Variants in TAB3 observed in about 807,000 individuals in gnomAD.
TAB3 encodes TGF-beta-activated kinase 1 and MAP3K7-binding protein 3.
In TAB3, 18 loss-of-function variants were observed where a neutral mutation model predicts 48.1. The ratio of observed to expected loss-of-function variants is 0.37; its 90% CI spans 0.26 to 0.55. TAB3 has a LOEUF of 0.55. Among genes scored for constraint, TAB3 ranks in the 20% least tolerant of loss-of-function variants. The probability of loss-of-function intolerance (pLI) is 0.78; values close to 1 mark genes in which losing one functional copy is unlikely to be tolerated. For missense variants in TAB3, 414 were observed against 549.8 expected, an observed-to-expected ratio of 0.75 and a Z score of 2.47; for synonymous variants, 185 against 190.2, an observed-to-expected ratio of 0.97 and a Z score of 0.22.
chrX:30,870,449 T>C (rs112861312), intron 2 of TAB3, among the ~76,000 whole-genome samples: 9 of 111,743 alleles, frequency 8.1e-5, no homozygotes, highest in African/African-American at 2.6e-4. Flanking sequence ...AGAAGACCCA[T>C]GTCCTCGTAG....
intron 1 of TAB3, among the ~76,000 whole-genome samples, 172 bp downstream of exon 1, chrX:30,888,942 G>C (rs893725136): frequency 6.2e-5 from 7 of 113,187 alleles, no homozygotes; most frequent in Non-Finnish European, 1.3e-4. Context: ...GCAAACCTCC[G>C]GCAGCCCCGC....
At chrX:30,846,457 G>C (rs1350978340) in intron 8 of TAB3, 94 bp downstream of exon 8, 4 of 584,449 alleles carry the variant, frequency 6.8e-6, no homozygotes, top group Non-Finnish European at 1.1e-5. Context: ...GATAAAAACT[G>C]TCTCTTAAAT....
At chrX:30,875,016 G>C (rs989065052) in intron 1 of TAB3, among the ~76,000 whole-genome samples, 6 of 112,062 alleles carry the variant, frequency 5.4e-5, no homozygotes, top group African/African-American at 1.9e-4. Flanking sequence ...CAGAGCTGGT[G>C]GTACCATGTT....
intron 8 of TAB3, chrX:30,846,107 T>A: frequency 1.1e-6 from 1 of 907,101 alleles, no homozygotes. Flanking sequence ...ACTATGATTA[T>A]AGTTGAATGT....
intron 10 of TAB3, among the ~76,000 whole-genome samples, chrX:30,831,799 G>A (rs1270579053): frequency 8.9e-6 from 1 of 111,984 alleles, no homozygotes; most frequent in African/African-American, 3.2e-5. Flanking sequence ...TAAGAAGATG[G>A]ATATATGTCC....
chrX:30,839,085 G>GGTAA (rs1202228635), intron 9 of TAB3, among the ~76,000 whole-genome samples: 2 of 110,787 alleles, frequency 1.8e-5, no homozygotes, highest in Admixed American at 1.9e-4. Context: ...TCCCAATGTT[G>GGTAA]GTAAGTTCAG....
chrX:30,855,211 G>T lies in TAB3; in HGVS notation c.454C>A (p.Pro152Thr), dbSNP rs752527673. ...MNEQNRSAAT[P>T]PSQPPQQPSS... ...GGCTGTTGAGGTGGTTGTGAAGGAG[G>T]AGTAGCTGCACTTCTGTTCTGTTCG... The change falls in exon 6 of 11, where the codon CCT becomes ACT. Residue 152 changes from proline (P) to threonine (T), a missense_variant. Physicochemically the swap from Pro to Thr is conservative, Grantham distance 38. Transcript: ENST00000288422. 5.8e-6 allele frequency: 7 copies of T among 1,211,838 alleles called. No individual in the cohort carries two copies. The highest frequency in any genetic ancestry group is 3.5e-5 in the South Asian group (2 of 56,976).
At chrX:30,877,889 G>A (rs777930809) in intron 1 of TAB3, among the ~76,000 whole-genome samples, 3 of 111,648 alleles carry the variant, frequency 2.7e-5, no homozygotes, top group African/African-American at 9.7e-5. Flanking sequence ...TAAAACATAA[G>A]AATACAGAAA....
Position 30,827,679 on chromosome X carries a change from C to T in TAB3, c.*3748G>A, listed in dbSNP as rs1461851732. The T allele has an allele frequency of 8.9e-6, 1 of 112,031 alleles. No individual in the cohort carries two copies. The highest frequency in any genetic ancestry group is 3.3e-5 in the African/African-American group (1 of 30,762). The allele number at this position is 112,031 out of a possible 1,213,427, so 9.2% of individuals were successfully genotyped here. On this transcript the variant is annotated 3_prime_UTR_variant, in exon 11 of 11. Transcript: ENST00000288422. The stretch of plus-strand genomic sequence containing the variant: ...AATTCTTTTACAGTAGGGAAAGAAA[C>T]ATGGACATTGGGTATCATAAATAAT...
At chrX:30,864,806 T>G (rs1010334990) in intron 4 of TAB3, among the ~76,000 whole-genome samples, 70 of 89,796 alleles carry the variant, frequency 7.8e-4, no homozygotes, top group Admixed American at 2.2e-3. Context: ...TGTGTGTGTT[T>G]TTTTTTTAAA....
intron 1 of TAB3, among the ~76,000 whole-genome samples, chrX:30,885,601 C>T (rs865960801): frequency 3.7e-5 from 4 of 107,846 alleles, no homozygotes; most frequent in African/African-American, 1.0e-4. Flanking sequence ...AAGGATGGAG[C>T]GGGGGATGGC....
rs1937949191 is a variant in TAB3 at position 30,828,658 on chromosome X, G to A, written c.*2769C>T. 1.8e-5 allele frequency: 2 copies of A among 112,104 alleles called. No homozygotes were observed. The highest frequency in any genetic ancestry group is 9.5e-5 in the Admixed American group (1 of 10,549). The allele number at this position is 112,104 out of a possible 1,213,427, so 9.2% of individuals were successfully genotyped here. Reference sequence around the variant, plus strand: ...CTAAAATCCCAGTTTACAAAATAGCGAAATAATGTAAAATGTATAGTCAGG... The same window carrying A: ...CTAAAATCCCAGTTTACAAAATAGCAAAATAATGTAAAATGTATAGTCAGG... On this transcript the variant is annotated 3_prime_UTR_variant, in exon 11 of 11. Transcript: ENST00000288422.
At chrX:30,846,447 G>T in intron 8 of TAB3, 104 bp downstream of exon 8, 1 of 539,185 alleles carries the variant, frequency 1.9e-6, no homozygotes, top group Non-Finnish European at 2.9e-6. Flanking sequence ...TAATCTTACG[G>T]ATAAAAACTG....
chrX:30,854,643 T>C lies in TAB3; in HGVS notation c.1022A>G (p.Gln341Arg). The change falls in exon 6 of 11, where the codon CAG (glutamine) becomes CGG (arginine). Residue 341 changes from glutamine (Q) to arginine (R), a missense_variant. Physicochemically the swap from Gln to Arg is conservative, Grantham distance 43 (BLOSUM62 1). Transcript: ENST00000288422. ...HPYQQGPPSYQKQGSHSVAYL... is the reference protein window; with the variant it reads ...HPYQQGPPSYRKQGSHSVAYL... ...GGCTACTGAATGGCTTCCCTGTTTC[T>C]GATAGCTAGGAGGTCCTTGTTGATA... The C allele has an allele frequency of 8.3e-7, 1 of 1,211,567 alleles. No individual in the cohort carries two copies. Among genetic ancestry groups the C allele is most frequent in the Non-Finnish European group, 1.1e-6 (1 of 895,219 alleles).
chrX:30,834,135 T>C lies in TAB3; in HGVS notation c.1906A>G (p.Thr636Ala). Residue 636 changes from threonine (T) to alanine (A), a missense_variant, in exon 10 of 11, where the codon ACA (threonine) becomes GCA (alanine). Transcript: ENST00000288422. ...ATTCTTCGGGCTTTTCTCTCAATTGTGCAGGGGTCTGAGGAGTCTGCATAA... is the reference window on the plus strand; with the variant it reads ...ATTCTTCGGGCTTTTCTCTCAATTGCGCAGGGGTCTGAGGAGTCTGCATAA... ...PSKKDSSDPC[T>A]IERKARRISV... The C allele has an allele frequency of 1.7e-6, 2 of 1,210,826 alleles. No homozygotes were observed. Among genetic ancestry groups the C allele is most frequent in the Non-Finnish European group, 2.2e-6 (2 of 894,982 alleles).
At chrX:30,888,651 C>T (rs1487207215) in intron 1 of TAB3, among the ~76,000 whole-genome samples, 1 of 112,601 alleles carries the variant, frequency 8.9e-6, no homozygotes, top group Non-Finnish European at 1.9e-5. Flanking sequence ...ACCTCCTCTC[C>T]AACAATTCTT....
At chrX:30,837,105 G>C (rs996018797) in intron 9 of TAB3, among the ~76,000 whole-genome samples, 7 of 95,007 alleles carry the variant, frequency 7.4e-5, no homozygotes, top group Non-Finnish European at 1.2e-4. Flanking sequence ...TTGGAGTGCA[G>C]TGGTGCGATC....
At chrX:30,863,141 A>G (rs1452622359) in intron 4 of TAB3, among the ~76,000 whole-genome samples, 1 of 112,302 alleles carries the variant, frequency 8.9e-6, no homozygotes, top group African/African-American at 3.2e-5. Flanking sequence ...ACTGGTAAAC[A>G]CATATCCTTC....
rs193025570 is a variant in TAB3 at position 30,830,037 on chromosome X, C to A, written c.*1390G>T. ...GAAGGAACTCCAACAATGGCAGAGA[C>A]CTTAATGAAATGTGCTATTAAGTTT... is the stretch of plus-strand genomic sequence containing the variant. On this transcript the variant is annotated 3_prime_UTR_variant, in exon 11 of 11. Transcript: ENST00000288422. 1.4e-3 allele frequency: 156 copies of A among 111,334 alleles called. No homozygotes were observed. Among genetic ancestry groups the A allele is most frequent in the African/African-American group, 4.6e-3 (141 of 30,630 alleles). 9.2% of individuals were successfully genotyped at this position (111,334 alleles called of 1,213,427 possible).
Sources: gnomAD v4.1 joint callset for allele counts (sites outside exome capture counted in the v4.1 genomes callset) on GRCh38, gnomAD v4.1.1 for gene constraint, MANE v1.5 for transcripts, NCBI Gene and HGNC (gene_info 2026-07-23, HGNC 2026-07-21) for gene names.